The following FANCD2 variants were observed in gnomAD, a reference collection of about 807,000 sequenced individuals.
FANCD2 encodes the protein Fanconi anemia group D2 protein.
In FANCD2, 131 loss-of-function variants were observed where a neutral mutation model predicts 192.3. The ratio of observed to expected loss-of-function variants is 0.68; its 90% confidence interval spans 0.59 to 0.79. The LOEUF is 0.79. Ranked by LOEUF, FANCD2 falls within the 30% of genes least tolerant of loss-of-function variation. The probability of loss-of-function intolerance (pLI) is 0.00; values close to 1 mark genes in which losing one functional copy is unlikely to be tolerated. For synonymous variants in FANCD2, 524 were observed against 612.5 expected (o/e 0.86, Z 2.13); for missense variants, 1,508 against 1,701.6 (o/e 0.89, Z 2.00).
chr3:10,069,756 A>G (rs945114604), intron 26 of FANCD2, among the ~76,000 whole-genome samples: 6 of 151,964 alleles, frequency 3.9e-5, no homozygotes, highest in Non-Finnish European at 8.8e-5. Context: ...AGTCTGGTTC[A>G]CTCAGTGCTC....
At chr3:10,055,939 C>T (rs1398066531) in intron 18 of FANCD2, among the ~76,000 whole-genome samples, 2 of 152,118 alleles carry the variant, frequency 1.3e-5, no homozygotes, top group African/African-American at 4.8e-5. Context: ...AGTGCAATGG[C>T]ACAATCTTGG....
chr3:10,060,428 G>T (rs374932802), intron 19 of FANCD2, 25 bp downstream of exon 19: 2 of 1,557,998 alleles, frequency 1.3e-6, no homozygotes, highest in Non-Finnish European at 1.8e-6. Flanking sequence ...TCTGACTTCT[G>T]TGGTTTAAGA....
chr3:10,084,209 G>A (rs1047335739), intron 32 of FANCD2, among the ~76,000 whole-genome samples: 8 of 150,566 alleles, frequency 5.3e-5, no homozygotes, highest in Non-Finnish European at 1.2e-4. Context: ...GGCCAGGCTG[G>A]TCTTGAACTC....
intron 2 of FANCD2, among the ~76,000 whole-genome samples, chr3:10,031,448 G>T (rs2086598601): frequency 6.7e-6 from 1 of 148,862 alleles, no homozygotes; most frequent in Non-Finnish European, 1.5e-5. Context: ...CTTGCAGTGA[G>T]CCAAGATCGC....
intron 38 of FANCD2, among the ~76,000 whole-genome samples, chr3:10,092,583 G>A (rs1309493477): frequency 8.0e-5 from 12 of 150,012 alleles, no homozygotes; most frequent in Admixed American, 6.7e-4. Flanking sequence ...GAATGCCCTC[G>A]TTCTCCTTTA....
intron 43 of FANCD2, among the ~76,000 whole-genome samples, chr3:10,100,133 AG>A (rs1422301313): frequency 6.6e-6 from 1 of 151,932 alleles, no homozygotes; most frequent in Admixed American, 6.6e-5. Flanking sequence ...GGCTGCAGTG[AG>A]CCATCATCAC....
chr3:10,030,596 T>C (rs1262749673), intron 2 of FANCD2, among the ~76,000 whole-genome samples: 1 of 152,074 alleles, frequency 6.6e-6, no homozygotes. Flanking sequence ...GGAATAGGCT[T>C]GATTTAGAAA....
At chr3:10,041,768 TGTCA>T (rs1345787105) in intron 10 of FANCD2, 58 bp downstream of exon 10, 2 of 1,158,604 alleles carry the variant, frequency 1.7e-6, no homozygotes, top group East Asian at 2.3e-5. Context: ...CCAGAACAAG[TGTCA>T]GTCAGTCATT....
chr3:10,096,738 A>G (rs550216312), intron 42 of FANCD2, among the ~76,000 whole-genome samples: 46 of 152,316 alleles, frequency 3.0e-4, no homozygotes, highest in African/African-American at 9.6e-4. Context: ...GACCAGTACA[A>G]ACCTCTCTCC....
At chr3:10,081,674 A>T (rs1693847304) in intron 32 of FANCD2, 3 of 596,670 alleles carry the variant, frequency 5.0e-6, no homozygotes, top group African/African-American at 3.7e-5. Flanking sequence ...AACCCATTTG[A>T]CAGATTAGGT....
chr3:10,086,898 T>G (rs1694239238), intron 33 of FANCD2, among the ~76,000 whole-genome samples: 1 of 152,198 alleles, frequency 6.6e-6, no homozygotes. Flanking sequence ...ACATGACCCC[T>G]TCAAGGCCAA....
intron 3 of FANCD2, 88 bp from the exon 4 acceptor site, chr3:10,034,381 T>G: frequency 1.2e-6 from 1 of 822,800 alleles, no homozygotes; most frequent in Non-Finnish European, 2.1e-6. Context: ...AATATTTTTA[T>G]TGGTTTCATC....
chr3:10,092,155 G>A (rs772693410), intron 37 of FANCD2, 26 bp from the exon 38 acceptor site: 1 of 1,549,568 alleles, frequency 6.5e-7, no homozygotes, highest in Non-Finnish European at 8.9e-7. Flanking sequence ...GTGACTCAGA[G>A]GTGCCCATAT....
At chr3:10,046,052 A>ATTTTTTTTTTT (rs1559377243) in intron 14 of FANCD2, among the ~76,000 whole-genome samples, 1 of 114,506 alleles carries the variant, frequency 8.7e-6, no homozygotes, top group African/African-American at 4.3e-5. Context: ...ATTGCTCTGT[A>ATTTTTTTTTTT]TTCTTTTTTT....
At chr3:10,056,422 T>C (rs188413690) in intron 18 of FANCD2, among the ~76,000 whole-genome samples, 1 of 152,306 alleles carries the variant, frequency 6.6e-6, no homozygotes, top group East Asian at 1.9e-4. Context: ...AGCTGCATAA[T>C]TTTACATTCC....
chr3:10,053,624 A>G (rs188854474), intron 18 of FANCD2, among the ~76,000 whole-genome samples: 12 of 147,168 alleles, frequency 8.2e-5, no homozygotes, highest in Admixed American at 2.0e-4. Flanking sequence ...AATTTGCTAG[A>G]AAAAAAAAAA....
chr3:10,046,511 C>T, intron 14 of FANCD2, 69 bp from the exon 15 acceptor site: 1 of 1,597,024 alleles, frequency 6.3e-7, no homozygotes, highest in Non-Finnish European at 8.5e-7. Flanking sequence ...GGAAAAGCTG[C>T]TGTTTCATTG....
chr3:10,092,352 C>A, intron 38 of FANCD2, 100 bp downstream of exon 38: 1 of 893,280 alleles, frequency 1.1e-6, no homozygotes, highest in Non-Finnish European at 1.9e-6. Context: ...TCCCACTCTT[C>A]CTTGGGGCCT....
Position 10,065,224 on chromosome 3 carries a change from G to C in FANCD2, c.2169-170G>C, listed in dbSNP as rs144431627. Among the ~76,000 whole-genome samples the C allele has an allele frequency of 7.9e-5, 12 of 152,306 alleles. No individual in the cohort carries two copies. The East Asian group carries it at 1.9e-3, about 24-fold the overall frequency. On this transcript the variant is annotated intron_variant, in intron 23 of 43. Coordinates refer to ENST00000675286, the MANE Select transcript of FANCD2 (RefSeq NM_001018115.3). ...TAATTGCTTGAACCTGGGAGGCAGAGGTTGCAGTGAGCTGAGATCGTGCCA... is the reference window on the plus strand; with the variant it reads ...TAATTGCTTGAACCTGGGAGGCAGACGTTGCAGTGAGCTGAGATCGTGCCA...
Sources: allele counts gnomAD v4.1 joint callset (sites outside exome capture counted in the v4.1 genomes callset), GRCh38; gene constraint gnomAD v4.1.1; transcripts MANE v1.5; gene names NCBI Gene and HGNC (gene_info 2026-07-23, HGNC 2026-07-21).